C4orf50: variants seen among roughly 807,000 people sequenced by gnomAD.
C4orf50 encodes chromosome 4 open reading frame 50.
A neutral mutation model predicts 77.2 loss-of-function variants in C4orf50; 80 were observed. The ratio of observed to expected loss-of-function variants is 1.04; its 90% CI spans 0.87 to 1.25. C4orf50 has a LOEUF of 1.25. Ranked by LOEUF, C4orf50 falls within the 50% of genes most tolerant of loss-of-function variation. The pLI is 0.00. For missense variants in C4orf50, 1,257 were observed against 1,152.9 expected, an observed-to-expected ratio of 1.09 and a Z score of -1.31; for synonymous variants, 532 against 465.3, an observed-to-expected ratio of 1.14 and a Z score of -1.84.
rs1308138082 is a variant in C4orf50, at chr4:6,008,622, T to C, written c.427-90A>G. 5 of 394,084 alleles carry C rather than the reference T, an allele frequency of 1.3e-5. No homozygotes were observed. The Admixed American group carries it at 2.2e-4, about 17-fold the overall frequency. The allele number at this position is 394,084 out of a possible 1,614,324, so 24.4% of individuals were successfully genotyped here. ...CCTGTCTTGACTTAACATTTCTGTA[T>C]TTTGTGCATGGTGCGTTTTTGCATT... On this transcript the variant is annotated intron_variant, in intron 24 of 33. Transcript: ENST00000531445. The surrounding 1 kb of genome is among the most constrained non-coding windows in gnomAD (Gnocchi z 6.0).
chr4:5,996,875 C>T (rs10020302), intron 25 of C4orf50, among the ~76,000 whole-genome samples: 17,054 of 152,276 alleles, frequency 0.11, 1,648 homozygotes, highest in African/African-American at 0.26. Context: ...CACGTTCTCA[C>T]GGTCCCATTC....
At chr4:5,956,489 G>C (rs970884934), downstream of C4orf50, among the ~76,000 whole-genome samples, 1 of 152,206 alleles carries the variant, frequency 6.6e-6, no homozygotes, top group Non-Finnish European at 1.5e-5. Context: ...CACCTGTCCT[G>C]ACAAGTGCTC....
chr4:5,997,110 G>T (rs1721625859), intron 25 of C4orf50, among the ~76,000 whole-genome samples: 1 of 152,240 alleles, frequency 6.6e-6, no homozygotes, highest in African/African-American at 2.4e-5. Context: ...GGAAGAGAGA[G>T]AAGTCGAAGG....
chr4:6,014,005 G>GGT (rs1491482471), intron 23 of C4orf50, among the ~76,000 whole-genome samples: 25 of 97,384 alleles, frequency 2.6e-4, no homozygotes, highest in South Asian at 1.0e-3. Flanking sequence ...TAAGTTGTGT[G>GGT]TTTTTTTTTT....
At chr4:5,994,879 C>T (rs1287606228) in intron 25 of C4orf50, among the ~76,000 whole-genome samples, 5 of 152,114 alleles carry the variant, frequency 3.3e-5, no homozygotes, top group East Asian at 1.9e-4. Context: ...GCCTGAGCTC[C>T]GCCTCCTGTC....
chr4:6,018,366 A>G lies in C4orf50; in HGVS notation c.66T>C (p.Ser22=), dbSNP rs1299149917. The change falls in exon 23 of 34, where the codon AGT becomes AGC. Residue 22 remains serine, a synonymous_variant. Transcript: ENST00000531445. The surrounding 1 kb of genome is among the most constrained non-coding windows in gnomAD (Gnocchi z 5.1). ...CAACGTTCATTATGTCGAACCCCTC[A>G]CTGCTGGGGGCTCTGATGACGTAGC... 2.5e-6 allele frequency: 1 copy of G among 398,618 alleles called. No individual in the cohort carries two copies. The allele number at this position is 398,618 out of a possible 1,614,324, so 24.7% of individuals were successfully genotyped here. A position where few individuals can be genotyped will look rare whatever the true frequency, so the allele number is the denominator to read the frequency against.
In C4orf50 at chr4:6,009,280, G is replaced by A. The variant is rs375684980; in HGVS notation, c.427-748C>T. ...ACAACCCACTGCGAAAATTAGAGCC[G>A]TTGCCTACTTTTCAGAATTAATTCA... is the stretch of plus-strand genomic sequence containing the variant. On this transcript the variant is annotated intron_variant, in intron 24 of 33. Coordinates refer to ENST00000531445, the Ensembl canonical transcript of C4orf50. The surrounding 1 kb of genome is among the most constrained non-coding windows in gnomAD (Gnocchi z 5.6). 2.0e-5 allele frequency among the ~76,000 whole-genome samples: 3 copies of A among 152,180 alleles called. No homozygotes were observed. Among genetic ancestry groups the A allele is most frequent in the Middle Eastern group, 3.2e-3 (1 of 316 alleles).
chr4:5,963,000 CTTTTTTTTTTTTTT>C (rs370272649), intron 33 of C4orf50, among the ~76,000 whole-genome samples: 1 of 146,150 alleles, frequency 6.8e-6, no homozygotes, highest in East Asian at 2.2e-4. Context: ...TTTTTCTTTT[CTTTTTTTTTTTTTT>C]TTTTTGAGAT....
intron 33 of C4orf50, among the ~76,000 whole-genome samples, chr4:5,962,459 G>T (rs1160733117): frequency 6.6e-6 from 1 of 152,192 alleles, no homozygotes; most frequent in Non-Finnish European, 1.5e-5. Context: ...TTCCTCAAAA[G>T]CTTTGCTACA....
intron 29 of C4orf50, among the ~76,000 whole-genome samples, chr4:5,979,096 C>T (rs1189907069): frequency 6.6e-6 from 1 of 152,164 alleles, no homozygotes; most frequent in Non-Finnish European, 1.5e-5. Context: ...CTTGTTTCTT[C>T]TTAGTGGGAG....
At chr4:5,995,925 C>T (rs888985930) in intron 25 of C4orf50, among the ~76,000 whole-genome samples, 1 of 152,188 alleles carries the variant, frequency 6.6e-6, no homozygotes, top group African/African-American at 2.4e-5. Flanking sequence ...CACCTTCTCT[C>T]AGCAGACCCA....
chr4:5,944,816 G>A (rs1243692226), intron 7 of C4orf50, among the ~76,000 whole-genome samples: 4 of 152,258 alleles, frequency 2.6e-5, no homozygotes, highest in South Asian at 2.1e-4. Context: ...GGCCTGGGGC[G>A]GAGGGGTCTG....
chr4:5,980,207 C>G (rs972929862), exon 29 of C4orf50: 4 of 1,606,230 alleles, frequency 2.5e-6, no homozygotes, highest in Non-Finnish European at 3.4e-6. Context: ...GGCGGGTGGC[C>G]TCGTCCAGAG....
chr4:5,974,268 T>C (rs1455451796), intron 30 of C4orf50, among the ~76,000 whole-genome samples: 1 of 152,178 alleles, frequency 6.6e-6, no homozygotes, highest in African/African-American at 2.4e-5. Flanking sequence ...CACATTTCGA[T>C]AGCACTTTAT....
chr4:5,918,299 G>A (rs548352203), intron 7 of C4orf50, among the ~76,000 whole-genome samples: 8 of 152,338 alleles, frequency 5.3e-5, no homozygotes, highest in East Asian at 1.9e-4. Flanking sequence ...AGATGGGGAA[G>A]TGGAGTCACA....
rs571236676 is a variant in C4orf50 at position 6,015,876 on chromosome 4, C to T, written c.287+2269G>A. Reference sequence around the variant, plus strand: ...TCTCTGTCTCCCTCTCGCAAGGATACTTGTGATTGGTCTTAGAGACCAGCC... The same window carrying T: ...TCTCTGTCTCCCTCTCGCAAGGATATTTGTGATTGGTCTTAGAGACCAGCC... On this transcript the variant is annotated intron_variant, in intron 23 of 33. Transcript: ENST00000531445. This position sits in a 1 kb window ranked among gnomAD's most constrained non-coding sequence, Gnocchi z 4.4. 1.3e-5 allele frequency among the ~76,000 whole-genome samples: 2 copies of T among 152,296 alleles called. No individual in the cohort carries two copies. Among genetic ancestry groups the T allele is most frequent in the South Asian group, 4.2e-4 (2 of 4,816 alleles).
At chr4:5,957,234 G>A (rs1719013582) in exon 34 of C4orf50, 1 of 152,282 alleles carries the variant, frequency 6.6e-6, no homozygotes. Flanking sequence ...CGCGGCAGAG[G>A]GGAGCATGAA....
chr4:5,906,129 G>A (rs1716541984), intron 7 of C4orf50, among the ~76,000 whole-genome samples: 1 of 152,064 alleles, frequency 6.6e-6, no homozygotes. Context: ...GAGGGAGCAG[G>A]AGAAGCCGGT....
intron 7 of C4orf50, among the ~76,000 whole-genome samples, chr4:5,944,319 G>A (rs1718391987): frequency 6.6e-6 from 1 of 152,132 alleles, no homozygotes; most frequent in Admixed American, 6.5e-5. Flanking sequence ...TCCTCTGCAG[G>A]GGAATGACTT....
Sources: allele counts gnomAD v4.1 joint callset (sites outside exome capture counted in the v4.1 genomes callset), GRCh38; gene constraint gnomAD v4.1.1; non-coding constraint Gnocchi (gnomAD v3.1); transcripts MANE v1.5; gene names NCBI Gene and HGNC (gene_info 2026-07-23, HGNC 2026-07-21).